Variants in ADARB2 observed in about 807,000 individuals in gnomAD.
ADARB2 encodes the protein adenosine deaminase RNA specific B2 (inactive).
A neutral mutation model predicts 62.2 loss-of-function variants in ADARB2; 25 were observed. That is an observed-to-expected ratio of 0.40 (90% CI 0.29 to 0.56). The LOEUF is 0.56. Among genes scored for constraint, ADARB2 ranks in the 20% least tolerant of loss-of-function variants. The pLI is 0.43. For missense variants in ADARB2, 1,071 were observed against 1,077.4 expected, an observed-to-expected ratio of 0.99 and a Z score of 0.08; for synonymous variants, 572 against 500.8, an observed-to-expected ratio of 1.14 and a Z score of -1.90.
intron 1 of ADARB2, among the ~76,000 whole-genome samples, chr10:1,452,567 T>G (rs1486055409): frequency 1.4e-5 from 2 of 146,778 alleles, no homozygotes; most frequent in Non-Finnish European, 3.0e-5. Flanking sequence ...CACTGCATGT[T>G]CTCACTCGTA....
At chr10:1,293,371 GGA>G (rs535294547) in intron 3 of ADARB2, among the ~76,000 whole-genome samples, 3 of 150,346 alleles carry the variant, frequency 2.0e-5, no homozygotes, top group East Asian at 2.0e-4. Flanking sequence ...AGGAAGGGAA[GGA>G]GAGAGAGATT....
chr10:1,253,559 T>G (rs1831054051), intron 4 of ADARB2, among the ~76,000 whole-genome samples: 3 of 152,218 alleles, frequency 2.0e-5, no homozygotes, highest in African/African-American at 7.2e-5. Flanking sequence ...AACACCTACC[T>G]TATTCAAGGG....
At chr10:1,523,444 C>A (rs1832099952) in intron 1 of ADARB2, among the ~76,000 whole-genome samples, 1 of 152,160 alleles carries the variant, frequency 6.6e-6, no homozygotes, top group Admixed American at 6.5e-5. Context: ...AAGAACAAAG[C>A]CCCTATGCTT....
chr10:1,540,969 A>T (rs1263967471), intron 1 of ADARB2, among the ~76,000 whole-genome samples: 1 of 62,242 alleles, frequency 1.6e-5, no homozygotes, highest in African/African-American at 6.6e-5. Context: ...CCTGGATCAC[A>T]GCCGTCCAGA....
intron 1 of ADARB2, among the ~76,000 whole-genome samples, chr10:1,567,780 C>T (rs1227816289): frequency 6.6e-6 from 1 of 152,210 alleles, no homozygotes; most frequent in Non-Finnish European, 1.5e-5. Context: ...CTACCATGCG[C>T]ACAGCAGGGG....
intron 1 of ADARB2, among the ~76,000 whole-genome samples, chr10:1,517,899 C>T (rs1316598297): frequency 5.9e-5 from 9 of 152,156 alleles, no homozygotes; most frequent in Non-Finnish European, 2.9e-5. Context: ...AGCCTTTCCC[C>T]GCAGCTCAGC....
chr10:1,537,268 T>C (rs997769338), intron 1 of ADARB2, among the ~76,000 whole-genome samples: 1 of 152,236 alleles, frequency 6.6e-6, no homozygotes, highest in Non-Finnish European at 1.5e-5. Flanking sequence ...TGAGATGCCA[T>C]CTCATGCCAG....
At chr10:1,395,368 C>A (rs938508705) in intron 1 of ADARB2, among the ~76,000 whole-genome samples, 1 of 152,208 alleles carries the variant, frequency 6.6e-6, no homozygotes, top group African/African-American at 2.4e-5. Flanking sequence ...GACTCTCCGA[C>A]GGTCCTGGGA....
At chr10:1,505,659 C>T (rs1464375410) in intron 1 of ADARB2, among the ~76,000 whole-genome samples, 2 of 151,928 alleles carry the variant, frequency 1.3e-5, no homozygotes, top group African/African-American at 4.8e-5. Flanking sequence ...CCATGGCAGC[C>T]ACCTCCCCAT....
chr10:1,215,257 G>C (rs1022045986), intron 7 of ADARB2, among the ~76,000 whole-genome samples: 3 of 152,200 alleles, frequency 2.0e-5, no homozygotes, highest in Admixed American at 2.0e-4. Flanking sequence ...GGCACTGCCT[G>C]CCCCATGGGC....
chr10:1,630,209 G>A (rs1833825235), intron 1 of ADARB2, among the ~76,000 whole-genome samples: 1 of 152,204 alleles, frequency 6.6e-6, no homozygotes, highest in Non-Finnish European at 1.5e-5. Flanking sequence ...TGTGGCCAGA[G>A]ACCATTCTGG....
intron 3 of ADARB2, chr10:1,291,783 T>C (rs1831468294): frequency 6.6e-6 from 1 of 152,130 alleles, no homozygotes; most frequent in Non-Finnish European, 1.5e-5. Context: ...GCAGAATGCA[T>C]GGTGTGTGGG....
In ADARB2 at chr10:1,675,788, G is replaced by T. The variant is rs115488416; in HGVS notation, c.100+61263C>A. Among the ~76,000 whole-genome samples the T allele has an allele frequency of 9.6e-3, 1,462 of 152,292 alleles. 18 individuals are homozygous for T. Among genetic ancestry groups the T allele is most frequent in the African/African-American group, 0.034 (1,413 of 41,540 alleles). The stretch of plus-strand genomic sequence containing the variant: ...TCTCTGAGCTGGTGATGTCTCATCT[G>T]TAACAGGTGAGATAACAAGGGAGGC... On this transcript the variant is annotated intron_variant, in intron 1 of 9. Transcript: ENST00000381312.
intron 1 of ADARB2, among the ~76,000 whole-genome samples, chr10:1,605,144 C>G (rs952295918): frequency 5.9e-5 from 9 of 152,170 alleles, no homozygotes; most frequent in African/African-American, 1.9e-4. Context: ...TCAAACAGAC[C>G]CTCAGGGCAG....
intron 1 of ADARB2, among the ~76,000 whole-genome samples, chr10:1,569,639 T>C (rs897682154): frequency 2.0e-5 from 3 of 152,244 alleles, no homozygotes; most frequent in African/African-American, 7.2e-5. Context: ...GTCTCCTTTT[T>C]AGAAATTAAA....
intron 1 of ADARB2, among the ~76,000 whole-genome samples, chr10:1,718,499 C>A (rs1588365398): frequency 6.6e-6 from 1 of 152,336 alleles, no homozygotes; most frequent in Non-Finnish European, 1.5e-5. Context: ...TGTGTGCATG[C>A]CTCCGTGTGA....
In ADARB2 at chr10:1,242,169, G is replaced by T; in HGVS notation, c.1323C>A (p.Phe441Leu). The change falls in exon 5 of 10, where the codon TTC becomes TTA. Residue 441 changes from phenylalanine (F) to leucine (L), a missense_variant. Phe to Leu is a conservative substitution (Grantham distance 22). Transcript: ENST00000381312. Reference sequence around the variant, plus strand: ...CCAGCTGCGTGTAGAGGAAGTGCAGGAACGCCCGCCGGGCCACGACCTCCG... The same window carrying T: ...CCAGCTGCGTGTAGAGGAAGTGCAGTAACGCCCGCCGGGCCACGACCTCCG... ...CHAEVVARRA[F>L]LHFLYTQLEL... 1 of 1,610,458 alleles carries T rather than the reference G, an allele frequency of 6.2e-7. No homozygotes were observed.
chr10:1,675,139 T>G (rs1834449199), intron 1 of ADARB2: 3 of 981,756 alleles, frequency 3.1e-6, no homozygotes, highest in Non-Finnish European at 3.6e-6. Context: ...GTTCTGGAGG[T>G]TTAGGTTCAG....
intron 7 of ADARB2, among the ~76,000 whole-genome samples, chr10:1,212,519 T>A (rs1247441623): frequency 5.9e-5 from 9 of 152,208 alleles, no homozygotes; most frequent in Non-Finnish European, 1.3e-4. Context: ...CTTCTGTCAT[T>A]GTCGGGACCA....
Sources: gnomAD v4.1 joint callset for allele counts (sites outside exome capture counted in the v4.1 genomes callset) on GRCh38, gnomAD v4.1.1 for gene constraint, MANE v1.5 for transcripts, NCBI Gene and HGNC (gene_info 2026-07-23, HGNC 2026-07-21) for gene names.